The following GRM8 variants were observed in gnomAD, a reference collection of about 807,000 sequenced individuals.
GRM8 encodes glutamate metabotropic receptor 8.
In GRM8, 47 loss-of-function variants were observed where a neutral mutation model predicts 87.2. The observed-to-expected ratio is 0.54, with a 90% CI of 0.43 to 0.69. GRM8 has a LOEUF of 0.69. Among genes scored for constraint, GRM8 ranks in the 30% least tolerant of loss-of-function variants. GRM8 has a pLI of 0.00. For synonymous variants in GRM8, 396 were observed against 404.5 expected (o/e 0.98, Z 0.25); for missense variants, 1,019 against 1,139.2 (o/e 0.89, Z 1.52).
intron 6 of GRM8, among the ~76,000 whole-genome samples, chr7:126,783,899 C>T (rs1383219565): frequency 6.6e-6 from 1 of 152,174 alleles, no homozygotes; most frequent in Non-Finnish European, 1.5e-5. Context: ...ACTTCCTATA[C>T]AATCAATAAA....
At chr7:127,168,774 A>G (rs939367725) in intron 2 of GRM8, among the ~76,000 whole-genome samples, 146 of 151,952 alleles carry the variant, frequency 9.6e-4, no homozygotes, top group African/African-American at 3.3e-3. Context: ...CAAACACTGC[A>G]TGTTCTCACA....
intron 7 of GRM8, among the ~76,000 whole-genome samples, chr7:126,635,238 G>A (rs908659034): frequency 6.6e-6 from 1 of 151,734 alleles, no homozygotes; most frequent in African/African-American, 2.4e-5. Context: ...TTGATCAAGA[G>A]TATAAAAAAT....
intron 9 of GRM8, among the ~76,000 whole-genome samples, chr7:126,499,195 A>G (rs939792326): frequency 2.7e-5 from 4 of 149,004 alleles, no homozygotes; most frequent in African/African-American, 1.0e-4. Flanking sequence ...GTGTCTGCAA[A>G]CTACATTTTT....
At chr7:127,150,323 A>T (rs548540489) in intron 2 of GRM8, among the ~76,000 whole-genome samples, 36 of 152,198 alleles carry the variant, frequency 2.4e-4, no homozygotes, top group Middle Eastern at 6.8e-3. Flanking sequence ...CTTCAAAAGG[A>T]GGCTGGTCAC....
At chr7:126,751,034 C>T (rs1039527137) in intron 7 of GRM8, among the ~76,000 whole-genome samples, 15 of 125,032 alleles carry the variant, frequency 1.2e-4, no homozygotes, top group Non-Finnish European at 2.3e-4. Context: ...TAAAAATTAT[C>T]CCTACTTTAT....
chr7:127,139,139 A>G (rs573377987), intron 2 of GRM8, among the ~76,000 whole-genome samples: 3 of 152,222 alleles, frequency 2.0e-5, no homozygotes, highest in South Asian at 2.1e-4. Flanking sequence ...CCAGCCCATC[A>G]GCTTAGATTG....
chr7:126,601,686 T>C (rs1157911925), intron 8 of GRM8, among the ~76,000 whole-genome samples: 5 of 149,886 alleles, frequency 3.3e-5, no homozygotes, highest in African/African-American at 9.8e-5. Flanking sequence ...TGGCTAGTGA[T>C]GATGAGCATT....
chr7:127,037,848 T>C (rs1817991410), intron 3 of GRM8, among the ~76,000 whole-genome samples: 1 of 151,652 alleles, frequency 6.6e-6, no homozygotes, highest in Admixed American at 6.6e-5. Flanking sequence ...TGTGTGTGTG[T>C]GTGTGTGTGT....
chr7:126,957,179 A>G (rs1808786101), intron 3 of GRM8, among the ~76,000 whole-genome samples: 1 of 152,212 alleles, frequency 6.6e-6, no homozygotes, highest in South Asian at 2.1e-4. Context: ...GAAGATCTCA[A>G]TCACAGAGTT....
intron 9 of GRM8, among the ~76,000 whole-genome samples, chr7:126,486,551 G>A (rs1488223517): frequency 6.6e-6 from 1 of 151,912 alleles, no homozygotes; most frequent in Non-Finnish European, 1.5e-5. Flanking sequence ...GGAACCATTC[G>A]TAAGCTACAT....
chr7:126,797,740 C>T (rs1822123064), intron 6 of GRM8, among the ~76,000 whole-genome samples: 1 of 152,046 alleles, frequency 6.6e-6, no homozygotes, highest in South Asian at 2.1e-4. Context: ...ATAAAAACTA[C>T]TCTTAGAACA....
At chr7:127,205,132 G>A (rs1226650480) in intron 2 of GRM8, among the ~76,000 whole-genome samples, 1 of 152,146 alleles carries the variant, frequency 6.6e-6, no homozygotes, top group Non-Finnish European at 1.5e-5. Context: ...TGGTACTCTT[G>A]CCTTAGTTTC....
At chr7:127,154,691 T>G (rs533586074) in intron 2 of GRM8, among the ~76,000 whole-genome samples, 13 of 152,258 alleles carry the variant, frequency 8.5e-5, no homozygotes, top group Non-Finnish European at 1.9e-4. Context: ...TTCTTAGATA[T>G]CAATTCTTTT....
At chr7:126,560,918 G>A (rs1333733721) in intron 8 of GRM8, among the ~76,000 whole-genome samples, 5 of 152,096 alleles carry the variant, frequency 3.3e-5, no homozygotes, top group African/African-American at 1.2e-4. Context: ...GAAATCATGT[G>A]AGCTTTTTCA....
chr7:126,523,884 T>C (rs1414122733), intron 9 of GRM8, among the ~76,000 whole-genome samples: 1 of 152,160 alleles, frequency 6.6e-6, no homozygotes, highest in Non-Finnish European at 1.5e-5. Context: ...GTAGATAATA[T>C]TTGTTTGTAT....
intron 6 of GRM8, among the ~76,000 whole-genome samples, chr7:126,863,738 C>G (rs1359690818): frequency 6.6e-6 from 1 of 152,024 alleles, no homozygotes; most frequent in Non-Finnish European, 1.5e-5. Context: ...TTATTAATTT[C>G]TGAGGTAAGG....
At chr7:126,475,607 G>T (rs1346189018) in intron 9 of GRM8, among the ~76,000 whole-genome samples, 2 of 151,986 alleles carry the variant, frequency 1.3e-5, no homozygotes, top group African/African-American at 4.8e-5. Context: ...AATAGAAATA[G>T]GAAAAAATAA....
rs573394978 is a variant in GRM8, at chr7:126,972,044, A to G, written c.728-67361T>C. 5.3e-5 allele frequency among the ~76,000 whole-genome samples: 8 copies of G among 152,310 alleles called. No homozygotes were observed. The South Asian group carries it at 8.3e-4, about 16-fold the overall frequency. On this transcript the variant is annotated intron_variant, in intron 3 of 10. Transcript: ENST00000339582. ...AGGGTCTGCAGGTCACTGTAGCCGA[A>G]TAACAGGTCCCTAGGCTGAGTAGTG...
intron 8 of GRM8, among the ~76,000 whole-genome samples, chr7:126,547,625 T>C (rs981203020): frequency 6.6e-6 from 1 of 151,504 alleles, no homozygotes; most frequent in African/African-American, 2.4e-5. Flanking sequence ...CAGAAATAAA[T>C]GAAGCAAAAA....
Sources: gnomAD v4.1 joint callset for allele counts (sites outside exome capture counted in the v4.1 genomes callset) on GRCh38, gnomAD v4.1.1 for gene constraint, MANE v1.5 for transcripts, NCBI Gene and HGNC (gene_info 2026-07-23, HGNC 2026-07-21) for gene names.